Variants in CSMD1 observed in about 807,000 individuals in gnomAD.
CSMD1 encodes CUB and sushi domain-containing protein 1.
Under a neutral mutation model 417.5 loss-of-function variants are expected in CSMD1, and 213 were observed. The observed-to-expected ratio is 0.51, with a 90% CI of 0.46 to 0.57. CSMD1 has a LOEUF of 0.57. Among genes scored for constraint, CSMD1 ranks in the 20% least tolerant of loss-of-function variants. The probability of loss-of-function intolerance (pLI) is 0.00; values close to 1 mark genes in which losing one functional copy is unlikely to be tolerated. For missense variants in CSMD1, 6,923 were observed against 4,529.7 expected (o/e 1.53, Z -15.17); for synonymous variants, 2,862 against 1,736.8 (o/e 1.65, Z -16.11).
At chr8:4,456,173 A>G (rs1799470283) in intron 2 of CSMD1, among the ~76,000 whole-genome samples, 1 of 152,012 alleles carries the variant, frequency 6.6e-6, no homozygotes, top group Non-Finnish European at 1.5e-5. Context: ...TCTTTTGGAA[A>G]AAGCATGACA....
rs938653881 is a variant in CSMD1, at chr8:3,388,446, G to T, written c.2594-764C>A. Among the ~76,000 whole-genome samples, 7 of 152,120 alleles carry T rather than the reference G, an allele frequency of 4.6e-5. No homozygotes were observed. The South Asian group carries it at 1.2e-3, about 27-fold the overall frequency. On this transcript the variant is annotated intron_variant, in intron 17 of 69. Coordinates refer to ENST00000635120, the MANE Select transcript of CSMD1 (RefSeq NM_033225.6). The stretch of plus-strand genomic sequence containing the variant: ...TCATTGTAATGTTTACATATGCGAA[G>T]AAATAAAAAATCCTTGTTATTGCTG...
intron 5 of CSMD1, among the ~76,000 whole-genome samples, chr8:3,859,656 G>A (rs931916006): frequency 1.1e-4 from 16 of 152,144 alleles, no homozygotes; most frequent in African/African-American, 3.9e-4. Flanking sequence ...TGAAGAGTGA[G>A]TTCAACCATA....
intron 3 of CSMD1, among the ~76,000 whole-genome samples, chr8:4,352,966 T>G (rs529964557): frequency 4.7e-4 from 71 of 152,330 alleles, no homozygotes; most frequent in Non-Finnish European, 8.1e-4. Context: ...TATGGTAAAT[T>G]CTACCAAGCC....
At chr8:3,471,105 G>C (rs1012026072) in intron 11 of CSMD1, among the ~76,000 whole-genome samples, 15 of 152,116 alleles carry the variant, frequency 9.9e-5, no homozygotes, top group African/African-American at 3.6e-4. Context: ...TTTTTCCCCA[G>C]ACTGTTTGTA....
At chr8:3,502,701 G>A (rs923106537) in intron 10 of CSMD1, among the ~76,000 whole-genome samples, 2 of 152,218 alleles carry the variant, frequency 1.3e-5, no homozygotes, top group African/African-American at 4.8e-5. Context: ...ATTGTTAGGG[G>A]TTAGAAGAGG....
intron 9 of CSMD1, among the ~76,000 whole-genome samples, chr8:3,580,793 G>C (rs951378082): frequency 1.3e-5 from 2 of 152,128 alleles, no homozygotes; most frequent in African/African-American, 4.8e-5. Flanking sequence ...CTGGTATAAA[G>C]AAGAGTCATC....
intron 5 of CSMD1, among the ~76,000 whole-genome samples, chr8:3,815,220 G>C (rs1801305937): frequency 6.6e-6 from 1 of 152,060 alleles, no homozygotes; most frequent in Admixed American, 6.6e-5. Context: ...CTCCTTTTAT[G>C]GGAACATAGA....
At chr8:4,681,685 T>C (rs1042160221) in intron 1 of CSMD1, among the ~76,000 whole-genome samples, 2 of 152,154 alleles carry the variant, frequency 1.3e-5, no homozygotes, top group African/African-American at 2.4e-5. Flanking sequence ...CTTTTCCTCA[T>C]ACAAAATAAC....
At chr8:4,444,663 T>C (rs894196259) in intron 2 of CSMD1, among the ~76,000 whole-genome samples, 10 of 152,142 alleles carry the variant, frequency 6.6e-5, no homozygotes, top group African/African-American at 2.4e-4. Context: ...TGATTGTAAT[T>C]GTGATGACAT....
At chr8:3,554,453 G>C (rs1278638362) in intron 10 of CSMD1, among the ~76,000 whole-genome samples, 1 of 152,124 alleles carries the variant, frequency 6.6e-6, no homozygotes. Flanking sequence ...CAGAGAACAG[G>C]GTCACAGACA....
At chr8:3,710,420 C>T (rs957518685) in intron 6 of CSMD1, among the ~76,000 whole-genome samples, 7 of 152,166 alleles carry the variant, frequency 4.6e-5, no homozygotes, top group Non-Finnish European at 5.9e-5. Context: ...GATCAATGCA[C>T]CATCTTTAGT....
intron 50 of CSMD1, among the ~76,000 whole-genome samples, chr8:3,046,825 G>C (rs1042052840): frequency 6.6e-6 from 1 of 152,144 alleles, no homozygotes; most frequent in African/African-American, 2.4e-5. Context: ...TATTTTCTTT[G>C]TATTAAACCA....
intron 5 of CSMD1, among the ~76,000 whole-genome samples, chr8:3,764,320 T>G (rs1034844654): frequency 6.6e-6 from 1 of 152,160 alleles, no homozygotes; most frequent in African/African-American, 2.4e-5. Flanking sequence ...GAAACTCTCC[T>G]GAGTGTACTT....
intron 3 of CSMD1, among the ~76,000 whole-genome samples, chr8:4,404,700 A>T (rs866072791): frequency 6.6e-6 from 1 of 152,020 alleles, no homozygotes. Context: ...TAATATTAAT[A>T]TTTAAATTTT....
chr8:3,371,149 C>G (rs965992449), intron 18 of CSMD1, among the ~76,000 whole-genome samples: 4 of 152,140 alleles, frequency 2.6e-5, no homozygotes, highest in African/African-American at 9.7e-5. Context: ...ATGCCACTGG[C>G]TTTTCCAGAT....
At chr8:4,396,636 CACACAT>C (rs897440339) in intron 3 of CSMD1, among the ~76,000 whole-genome samples, 1 of 151,766 alleles carries the variant, frequency 6.6e-6, no homozygotes, top group African/African-American at 2.4e-5. Flanking sequence ...CACACACACA[CACACAT>C]AAATATCTAT....
Position 3,348,146 on chromosome 8 carries a change from C to T in CSMD1, c.3320G>A (p.Ser1107Asn). 1.2e-6 allele frequency: 2 copies of T among 1,612,138 alleles called. No homozygotes were observed. Among genetic ancestry groups the T allele is most frequent in the South Asian group, 1.1e-5 (1 of 90,634 alleles). The change falls in exon 22 of 70, where the codon AGT (serine) becomes AAT (asparagine). Residue 1107 changes from serine to asparagine, a missense_variant. Physicochemically the swap from Ser to Asn is conservative, Grantham distance 46. Coordinates refer to ENST00000635120, the MANE Select transcript of CSMD1 (RefSeq NM_033225.6). ...TAATGTTCCTTCATTTCCTTTGACA[C>T]TTGCTCCACATTCGGCTACAATAAA... The part of the protein sequence containing the change: ...LPRCVAECGA[S>N]VKGNEGTLLS...
chr8:3,977,301 A>G (rs1211403973), intron 5 of CSMD1, among the ~76,000 whole-genome samples: 2 of 152,114 alleles, frequency 1.3e-5, no homozygotes, highest in East Asian at 1.9e-4. Context: ...CTGAAGACAG[A>G]TCCCATTTCA....
intron 3 of CSMD1, among the ~76,000 whole-genome samples, chr8:4,071,914 A>T (rs564314785): frequency 6.6e-6 from 1 of 152,284 alleles, no homozygotes; most frequent in East Asian, 1.9e-4. Context: ...GCATAGCTCA[A>T]GAGTCAAAGT....
Sources: gnomAD v4.1 joint callset for allele counts (sites outside exome capture counted in the v4.1 genomes callset) on GRCh38, gnomAD v4.1.1 for gene constraint, MANE v1.5 for transcripts, NCBI Gene and HGNC (gene_info 2026-07-23, HGNC 2026-07-21) for gene names.